The following PTPN4 variants were observed in gnomAD, a reference collection of about 807,000 sequenced individuals.
PTPN4 encodes the protein tyrosine-protein phosphatase non-receptor type 4.
In PTPN4, 49 loss-of-function variants were observed where a neutral mutation model predicts 135.5. That is an observed-to-expected ratio of 0.36 (90% CI 0.29 to 0.46). PTPN4 has a LOEUF of 0.46. PTPN4 is among the 20% of genes least tolerant of loss of function. PTPN4 has a pLI of 1.00. For synonymous variants in PTPN4, 333 were observed against 369.9 expected (o/e 0.90, Z 1.14); for missense variants, 860 against 1,101.0 (o/e 0.78, Z 3.10).
At chr2:119,940,368 G>C (rs1003873687) in intron 15 of PTPN4, among the ~76,000 whole-genome samples, 2 of 152,156 alleles carry the variant, frequency 1.3e-5, no homozygotes, top group East Asian at 1.9e-4. Context: ...AGTATAAGTT[G>C]GGTTAAATGC....
chr2:119,920,103 T>C lies in PTPN4; in HGVS notation c.863T>C (p.Met288Thr), dbSNP rs537200066. The change falls in exon 12 of 27, where the codon ATG becomes ACG. Residue 288 changes from methionine (M) to threonine (T), a missense_variant. Transcript: ENST00000263708. ...AGAGAAACATTATTGGGATTTAATA[T>C]GGTGAATTACAGAGCATGTAAAAAT... ...ESRETLLGFN[M>T]VNYRACKNLW... is the part of the protein sequence containing the mutation. 18 of 1,610,162 alleles carry C rather than the reference T, an allele frequency of 1.1e-5. No homozygotes were observed. In the South Asian group the frequency reaches 1.4e-4, roughly 13 times the overall value.
intron 3 of PTPN4, among the ~76,000 whole-genome samples, chr2:119,869,941 C>T (rs947279435): frequency 1.1e-4 from 17 of 152,142 alleles, no homozygotes; most frequent in Admixed American, 5.2e-4. Context: ...TAATGTAGTA[C>T]GGGTATCAAA....
chr2:119,967,218 G>A (rs1286230811), intron 25 of PTPN4, among the ~76,000 whole-genome samples: 1 of 152,188 alleles, frequency 6.6e-6, no homozygotes, highest in Non-Finnish European at 1.5e-5. Context: ...GGCTGAGGCG[G>A]GCAGATCACC....
At chr2:119,929,335 A>T (rs903027349) in intron 13 of PTPN4, among the ~76,000 whole-genome samples, 1 of 152,010 alleles carries the variant, frequency 6.6e-6, no homozygotes, top group African/African-American at 2.4e-5. Context: ...GTACCAGATA[A>T]CCTAGAGTTC....
intron 2 of PTPN4, among the ~76,000 whole-genome samples, chr2:119,847,960 T>G (rs972661396): frequency 6.6e-6 from 1 of 152,184 alleles, no homozygotes; most frequent in Non-Finnish European, 1.5e-5. Context: ...TTTTGGAGTT[T>G]CCTCGTACAT....
chr2:119,762,958 T>C (rs1320964241), intron 1 of PTPN4, among the ~76,000 whole-genome samples: 1 of 152,134 alleles, frequency 6.6e-6, no homozygotes, highest in Non-Finnish European at 1.5e-5. Context: ...AAATCCTTTT[T>C]ATTGTTTGCC....
At chr2:119,936,479 T>C (rs1268865970) in intron 15 of PTPN4, among the ~76,000 whole-genome samples, 1 of 152,144 alleles carries the variant, frequency 6.6e-6, no homozygotes, top group African/African-American at 2.4e-5. Context: ...TGATAATGAA[T>C]GAGTCTCACA....
chr2:119,971,402 G>A (rs1251279566), intron 26 of PTPN4, among the ~76,000 whole-genome samples: 1 of 152,172 alleles, frequency 6.6e-6, no homozygotes, highest in Non-Finnish European at 1.5e-5. Context: ...TTTGGGTGAG[G>A]ACACACAGCT....
chr2:119,794,481 A>G (rs1691215990), intron 1 of PTPN4, among the ~76,000 whole-genome samples: 1 of 152,150 alleles, frequency 6.6e-6, no homozygotes, highest in Non-Finnish European at 1.5e-5. Flanking sequence ...CAGGGTATGC[A>G]GCTCCAGGTG....
intron 16 of PTPN4, 91 bp from the exon 17 acceptor site, chr2:119,946,250 T>G (rs1466570026): frequency 1.0e-6 from 1 of 974,982 alleles, no homozygotes; most frequent in Non-Finnish European, 1.5e-6. Context: ...CTATGCATAA[T>G]ATAAGCATAC....
At chr2:119,783,291 G>C (rs1451906811) in intron 1 of PTPN4, among the ~76,000 whole-genome samples, 1 of 152,166 alleles carries the variant, frequency 6.6e-6, no homozygotes, top group Non-Finnish European at 1.5e-5. Flanking sequence ...TCTCTGTCCA[G>C]CTGTAATCCT....
intron 18 of PTPN4, among the ~76,000 whole-genome samples, chr2:119,948,756 G>A (rs1457013439): frequency 2.0e-5 from 3 of 152,030 alleles, no homozygotes; most frequent in Non-Finnish European, 4.4e-5. Flanking sequence ...TATAAATATG[G>A]AAATATATCC....
At chr2:119,848,832 C>T (rs1168666156) in intron 2 of PTPN4, among the ~76,000 whole-genome samples, 1 of 151,964 alleles carries the variant, frequency 6.6e-6, no homozygotes, top group Non-Finnish European at 1.5e-5. Flanking sequence ...AACTTCTGAC[C>T]TCGTGATCCA....
At chr2:119,810,514 G>A (rs1691558024) in intron 2 of PTPN4, among the ~76,000 whole-genome samples, 1 of 152,100 alleles carries the variant, frequency 6.6e-6, no homozygotes, top group Non-Finnish European at 1.5e-5. Flanking sequence ...CATTGTTACT[G>A]CTCTGTAGTA....
intron 10 of PTPN4, among the ~76,000 whole-genome samples, chr2:119,902,832 G>T (rs1256577544): frequency 6.6e-6 from 1 of 152,200 alleles, no homozygotes; most frequent in Non-Finnish European, 1.5e-5. Context: ...CGTGAGACTA[G>T]CATAGGGAGC....
chr2:119,872,791 A>C (rs1677931612), intron 3 of PTPN4, among the ~76,000 whole-genome samples: 1 of 152,216 alleles, frequency 6.6e-6, no homozygotes, highest in Non-Finnish European at 1.5e-5. Flanking sequence ...AATAGGCTTC[A>C]AATAATGAAT....
At chr2:119,939,998 G>T (rs1437069276) in intron 15 of PTPN4, among the ~76,000 whole-genome samples, 1 of 152,196 alleles carries the variant, frequency 6.6e-6, no homozygotes, top group Admixed American at 6.5e-5. Context: ...GGACACTGTA[G>T]CTGCAGTATG....
At chr2:119,898,366 A>AT (rs1267838604) in intron 9 of PTPN4, among the ~76,000 whole-genome samples, 2 of 152,242 alleles carry the variant, frequency 1.3e-5, no homozygotes, top group Non-Finnish European at 2.9e-5. Flanking sequence ...AAAACATATC[A>AT]TAAAAATGGC....
rs1279872704 is a variant in PTPN4, at chr2:119,960,918, G to A, written c.2245G>A (p.Val749Ile). 2.5e-6 allele frequency: 4 copies of A among 1,613,630 alleles called. No homozygotes were observed. The highest frequency in any genetic ancestry group is 3.4e-6 in the Non-Finnish European group (4 of 1,179,856). Residue 749 changes from valine to isoleucine, a missense_variant, in exon 23 of 27, where the codon GTT (valine) becomes ATT (isoleucine). Physicochemically the swap from Val to Ile is conservative, Grantham distance 29. This residue lies in a region of PTPN4 where 176 missense variants were observed against 294.1 expected (regional missense o/e 0.60). Coordinates refer to ENST00000263708, the MANE Select transcript of PTPN4 (RefSeq NM_002830.4). ...GACTTGGGAACAAGGCTCCTCTATG[G>A]TTGTAATGTTGACCACACAAGTTGA... Reference protein sequence around the residue: ...QMTWEQGSSMVVMLTTQVERG... With the variant: ...QMTWEQGSSMIVMLTTQVERG...
Sources: gnomAD v4.1 joint callset for allele counts (sites outside exome capture counted in the v4.1 genomes callset) on GRCh38, gnomAD v4.1.1 for gene constraint, gnomAD v4.1.1 regional missense constraint, MANE v1.5 for transcripts, NCBI Gene and HGNC (gene_info 2026-07-23, HGNC 2026-07-21) for gene names.